Variants in GMDS observed in about 807,000 individuals in gnomAD.
GMDS encodes the protein GDP-mannose 4,6 dehydratase.
In GMDS, 20 loss-of-function variants were observed where a neutral mutation model predicts 49.9. The ratio of observed to expected loss-of-function variants is 0.40; its 90% CI spans 0.28 to 0.58. The LOEUF (loss-of-function observed/expected upper bound fraction) is 0.58. Ranked by LOEUF, GMDS falls within the 20% of genes least tolerant of loss-of-function variation. GMDS has a pLI of 0.42. For synonymous variants in GMDS, 177 were observed against 178.6 expected (o/e 0.99, Z 0.07); for missense variants, 362 against 481.4 (o/e 0.75, Z 2.32).
intron 4 of GMDS, among the ~76,000 whole-genome samples, chr6:1,969,974 C>G (rs111247589): frequency 4.6e-5 from 7 of 152,186 alleles, no homozygotes; most frequent in Non-Finnish European, 7.3e-5. Flanking sequence ...AGACAACATT[C>G]AGTCTGAAGT....
intron 8 of GMDS, among the ~76,000 whole-genome samples, chr6:1,741,277 C>T (rs962719090): frequency 4.6e-5 from 7 of 152,132 alleles, no homozygotes; most frequent in Admixed American, 1.3e-4. Context: ...AATACCAGAA[C>T]TTATTTCTCC....
intron 7 of GMDS, among the ~76,000 whole-genome samples, chr6:1,808,895 A>G (rs1210114882): frequency 1.5e-5 from 2 of 130,242 alleles, no homozygotes; most frequent in Non-Finnish European, 3.2e-5. Context: ...GCACTAGTGC[A>G]TGCTCTCTCT....
At chr6:1,977,985 C>T (rs1236396842) in intron 4 of GMDS, among the ~76,000 whole-genome samples, 4 of 152,188 alleles carry the variant, frequency 2.6e-5, no homozygotes, top group East Asian at 1.9e-4. Context: ...CATCATTCTG[C>T]GGGCCCCACT....
rs554578689 is a variant in GMDS, at chr6:2,106,611, C to T, written c.345+9160G>A. Among the ~76,000 whole-genome samples, 42 of 152,168 alleles carry T rather than the reference C, an allele frequency of 2.8e-4. No homozygotes were observed. In the South Asian group the frequency reaches 8.3e-3, roughly 30 times the overall value. On this transcript the variant is annotated intron_variant, in intron 4 of 10. Coordinates refer to ENST00000380815, the MANE Select transcript of GMDS (RefSeq NM_001500.4). ...GGCAAGGTGGCTCATACCTGTAATC[C>T]TAGCACTTTGGGAGGCCAAGGCAGG...
At chr6:1,976,264 ATG>A (rs1034581375) in intron 4 of GMDS, among the ~76,000 whole-genome samples, 2 of 152,208 alleles carry the variant, frequency 1.3e-5, no homozygotes, top group Admixed American at 1.3e-4. Context: ...TTGAAGAACA[ATG>A]TGCTTATTCT....
chr6:1,950,012 AGTGCATGATTTGAATTTGC>A (rs1312761429), intron 6 of GMDS, among the ~76,000 whole-genome samples: 1 of 152,242 alleles, frequency 6.6e-6, no homozygotes, highest in Non-Finnish European at 1.5e-5. Flanking sequence ...ATACTTCTAC[AGTGCATGATTTGAATTTGC>A]CAAACTGGCC....
At chr6:2,107,471 C>T (rs1295658142) in intron 4 of GMDS, among the ~76,000 whole-genome samples, 5 of 152,124 alleles carry the variant, frequency 3.3e-5, no homozygotes, top group Non-Finnish European at 5.9e-5. Context: ...GTCATATTTA[C>T]AATCGTGGTG....
chr6:2,009,271 C>T (rs1767397119), intron 4 of GMDS, among the ~76,000 whole-genome samples: 1 of 152,204 alleles, frequency 6.6e-6, no homozygotes, highest in Non-Finnish European at 1.5e-5. Context: ...GACCAACCAA[C>T]TCTCAACAGT....
At chr6:2,002,210 T>C (rs1039244812) in intron 4 of GMDS, among the ~76,000 whole-genome samples, 7 of 152,244 alleles carry the variant, frequency 4.6e-5, no homozygotes, top group African/African-American at 1.7e-4. Flanking sequence ...TTTATTCATT[T>C]AACAAACATT....
intron 9 of GMDS, among the ~76,000 whole-genome samples, chr6:1,684,481 C>T (rs1764904891): frequency 6.6e-6 from 1 of 152,168 alleles, no homozygotes; most frequent in Non-Finnish European, 1.5e-5. Flanking sequence ...TGCGGCAATG[C>T]ATCCACACGA....
At chr6:1,848,752 G>C (rs1354497966) in intron 7 of GMDS, among the ~76,000 whole-genome samples, 1 of 152,220 alleles carries the variant, frequency 6.6e-6, no homozygotes, top group African/African-American at 2.4e-5. Context: ...GAATTTGTAA[G>C]TAATGATGGT....
At chr6:2,030,109 G>A (rs1219406680) in intron 4 of GMDS, among the ~76,000 whole-genome samples, 2 of 152,216 alleles carry the variant, frequency 1.3e-5, no homozygotes, top group African/African-American at 2.4e-5. Context: ...CACAGCCCAT[G>A]TGGTTCCCAC....
chr6:2,050,959 G>C (rs1022738639), intron 4 of GMDS, among the ~76,000 whole-genome samples: 30 of 152,072 alleles, frequency 2.0e-4, no homozygotes, highest in Admixed American at 1.1e-3. Context: ...AGCCTGTCAG[G>C]GGGTGTGGGG....
chr6:2,130,663 A>G (rs1581691426), intron 1 of GMDS, among the ~76,000 whole-genome samples: 1 of 152,206 alleles, frequency 6.6e-6, no homozygotes, highest in South Asian at 2.1e-4. Flanking sequence ...CATCCTTGAT[A>G]TTGGTCTACC....
At chr6:2,059,479 CGGGT>C (rs1770994353) in intron 4 of GMDS, among the ~76,000 whole-genome samples, 1 of 150,406 alleles carries the variant, frequency 6.6e-6, no homozygotes, top group Non-Finnish European at 1.5e-5. Flanking sequence ...GAGGCCGAGG[CGGGT>C]GGATCACGAG....
intron 4 of GMDS, among the ~76,000 whole-genome samples, chr6:2,050,149 A>G (rs1019294961): frequency 1.3e-5 from 2 of 152,200 alleles, no homozygotes; most frequent in African/African-American, 4.8e-5. Context: ...AAAGAAGAAA[A>G]GAGAGAAGAA....
intron 7 of GMDS, among the ~76,000 whole-genome samples, chr6:1,805,018 G>A (rs1770113838): frequency 6.6e-6 from 1 of 152,178 alleles, no homozygotes; most frequent in Non-Finnish European, 1.5e-5. Context: ...AAGAAATGAA[G>A]ACAGCTATCT....
intron 7 of GMDS, among the ~76,000 whole-genome samples, chr6:1,811,296 T>C (rs1770419555): frequency 6.6e-6 from 1 of 152,228 alleles, no homozygotes; most frequent in Non-Finnish European, 1.5e-5. Flanking sequence ...TTTTCTAATA[T>C]TCAGTATGAT....
At chr6:2,084,307 C>G (rs1772881679) in intron 4 of GMDS, among the ~76,000 whole-genome samples, 1 of 152,036 alleles carries the variant, frequency 6.6e-6, no homozygotes. Flanking sequence ...ACTTTAAAAA[C>G]AAATGAACAA....
Sources: gnomAD v4.1 joint callset for allele counts (sites outside exome capture counted in the v4.1 genomes callset) on GRCh38, gnomAD v4.1.1 for gene constraint, MANE v1.5 for transcripts, NCBI Gene and HGNC (gene_info 2026-07-23, HGNC 2026-07-21) for gene names.